Variants in PCBD2 observed in about 807,000 individuals in gnomAD.
PCBD2 encodes the protein pterin-4 alpha-carbinolamine dehydratase 2.
PCBD2 carries 12 observed loss-of-function variants against 16.4 expected under a neutral mutation model. That is an observed-to-expected ratio of 0.73 (90% CI 0.47 to 1.19). The LOEUF is 1.19. PCBD2 is among the 50% of genes most tolerant of loss of function. PCBD2 has a pLI of 0.00. For synonymous variants in PCBD2, 58 were observed against 61.8 expected (o/e 0.94, Z 0.29); for missense variants, 138 against 156.8 (o/e 0.88, Z 0.64).
intron 2 of PCBD2, among the ~76,000 whole-genome samples, chr5:134,951,040 A>AT (rs899630934): frequency 6.6e-6 from 1 of 152,100 alleles, no homozygotes; most frequent in Non-Finnish European, 1.5e-5. Context: ...CATGTTGTTC[A>AT]TTTTTTTCCC....
At chr5:134,956,683 G>A (rs1055722203) in intron 2 of PCBD2, among the ~76,000 whole-genome samples, 5 of 152,080 alleles carry the variant, frequency 3.3e-5, no homozygotes, top group African/African-American at 1.2e-4. Flanking sequence ...CTACATGTGC[G>A]AGTCTCTATT....
intron 2 of PCBD2, chr5:134,923,986 G>T: frequency 2.5e-6 from 1 of 394,602 alleles, no homozygotes; most frequent in Non-Finnish European, 4.5e-6. Flanking sequence ...GATGGGGTGG[G>T]GAGGTCGATA....
At chr5:134,940,592 C>T (rs1263062035) in intron 2 of PCBD2, among the ~76,000 whole-genome samples, 1 of 152,118 alleles carries the variant, frequency 6.6e-6, no homozygotes, top group African/African-American at 2.4e-5. Context: ...AGACTTTGAC[C>T]TTATCATGAA....
Position 134,961,758 on chromosome 5 carries a change from C to T in PCBD2, c.*1077C>T, listed in dbSNP as rs752001151. Among the ~76,000 whole-genome samples the T allele has an allele frequency of 1.1e-4, 17 of 151,702 alleles. No homozygotes were observed. The highest frequency in any genetic ancestry group is 2.1e-4 in the Non-Finnish European group (14 of 67,912). On this transcript the variant is annotated 3_prime_UTR_variant, in exon 4 of 4. Transcript: ENST00000254908. Reference sequence around the variant, plus strand: ...TGAGTTTTAACTTTAAATAACAATTCTTCTTTTGTTTTGTTTTGTTTGAGA... The same window carrying T: ...TGAGTTTTAACTTTAAATAACAATTTTTCTTTTGTTTTGTTTTGTTTGAGA...
At chr5:134,919,644 C>G (rs999143047) in intron 2 of PCBD2, among the ~76,000 whole-genome samples, 1 of 152,176 alleles carries the variant, frequency 6.6e-6, no homozygotes, top group African/African-American at 2.4e-5. Context: ...TAGGAAATTG[C>G]TGAGGCATTT....
At position 134,955,504 on chromosome 5, in the gene PCBD2, C is replaced by A. The variant is rs551272272; in HGVS notation, c.217-3536C>A. 1.3e-4 allele frequency among the ~76,000 whole-genome samples: 19 copies of A among 151,854 alleles called. No individual in the cohort carries two copies. The East Asian group carries it at 3.7e-3, about 30-fold the overall frequency. ...TGTATTTTTAGTAGAAATGGGGTTT[C>A]ACCATGTTGGCCAGGATGGTCTCGA... On this transcript the variant is annotated intron_variant, in intron 2 of 3. Transcript: ENST00000254908.
rs1344223023 is a variant in PCBD2, at chr5:134,961,222, A to G, written c.*541A>G. 2 of 152,320 alleles carry G rather than the reference A, an allele frequency of 1.3e-5. No individual in the cohort carries two copies. Among genetic ancestry groups the G allele is most frequent in the Admixed American group, 6.5e-5 (1 of 15,270 alleles). 9.4% of individuals were successfully genotyped at this position (152,320 alleles called of 1,614,324 possible). On this transcript the variant is annotated 3_prime_UTR_variant, in exon 4 of 4. Coordinates refer to ENST00000254908, the MANE Select transcript of PCBD2 (RefSeq NM_032151.5). ...TGGAACCTGAGGTATTTTTCATGCT[A>G]TCTAATCATATACCTAAGATAAACC...
At chr5:134,930,556 G>C (rs1181510212) in intron 2 of PCBD2, among the ~76,000 whole-genome samples, 1 of 152,210 alleles carries the variant, frequency 6.6e-6, no homozygotes, top group Non-Finnish European at 1.5e-5. Context: ...TCCCAGAACA[G>C]CAGCATTGAT....
intron 2 of PCBD2, chr5:134,927,816 G>A (rs1444280642): frequency 1.3e-5 from 5 of 388,234 alleles, no homozygotes; most frequent in Non-Finnish European, 1.4e-5. Context: ...GATTGTGAGG[G>A]GCAGGAGTCA....
intron 1 of PCBD2, among the ~76,000 whole-genome samples, chr5:134,907,871 C>T (rs1044189446): frequency 1.9e-4 from 29 of 151,552 alleles, no homozygotes; most frequent in Non-Finnish European, 3.5e-4. Context: ...ATCCACCCAC[C>T]TCGGCCTCCC....
At chr5:134,916,763 A>T (rs1434159223) in intron 2 of PCBD2, among the ~76,000 whole-genome samples, 1 of 152,242 alleles carries the variant, frequency 6.6e-6, no homozygotes, top group Admixed American at 6.5e-5. Flanking sequence ...GCATAGGTGG[A>T]TGAAGTAGCC....
intron 2 of PCBD2, among the ~76,000 whole-genome samples, chr5:134,948,017 AG>A (rs1050302189): frequency 1.3e-5 from 2 of 152,200 alleles, no homozygotes; most frequent in African/African-American, 4.8e-5. Context: ...GAACAGCCCC[AG>A]TGAATTGCAA....
chr5:134,915,993 G>A (rs319593), intron 2 of PCBD2, among the ~76,000 whole-genome samples: 95,576 of 151,946 alleles, frequency 0.63, 30,370 homozygotes, highest in African/African-American at 0.73. Flanking sequence ...TGTCATATTG[G>A]AAAAAAATTT....
In PCBD2 at chr5:134,910,440, G is replaced by T. The variant is rs200914488; in HGVS notation, c.190G>T (p.Glu64Ter). Residue 64 changes from glutamate (E) to a stop codon, truncating the protein, a stop_gained, in exon 2 of 4, where the codon GAA becomes TAA. Transcript: ENST00000254908. LOFTEE classifies it high-confidence loss of function. ...ELSERDAIYKEFSFHNFNQAF... is the reference protein window; with the variant it reads ...ELSERDAIYK ...AAGTGAGAGAGATGCCATCTACAAA[G>T]AATTCTCCTTCCACAATTTTAATCA... 3 of 1,614,154 alleles carry T rather than the reference G, an allele frequency of 1.9e-6. No individual in the cohort carries two copies. The highest frequency in any genetic ancestry group is 2.2e-5 in the East Asian group (1 of 44,882).
chr5:134,926,365 T>G (rs549194955), intron 2 of PCBD2: 10 of 378,872 alleles, frequency 2.6e-5, no homozygotes, highest in South Asian at 1.4e-4. Context: ...TTAATGGGGA[T>G]ATGAGTTTTT....
chr5:134,960,521 C>A, intron 3 of PCBD2, 65 bp from the exon 4 acceptor site: 2 of 1,139,978 alleles, frequency 1.8e-6, no homozygotes, highest in South Asian at 1.4e-5. Flanking sequence ...GATTTCTGAA[C>A]TGCCAAAGGA....
intron 2 of PCBD2, chr5:134,928,121 C>G (rs1240496247): frequency 1.5e-5 from 6 of 392,392 alleles, no homozygotes; most frequent in East Asian, 1.4e-4. Context: ...TGCTGCCTTG[C>G]AGGCAGCAAA....
At chr5:134,905,339 T>G in intron 1 of PCBD2, 116 bp downstream of exon 1, 6 of 945,384 alleles carry the variant, frequency 6.3e-6, no homozygotes, top group Non-Finnish European at 8.2e-6. Context: ...GGCCGAGCCT[T>G]GGAGCTCGGG....
At chr5:134,923,283 G>C (rs1363709401) in intron 2 of PCBD2, 1 of 154,852 alleles carries the variant, frequency 6.5e-6, no homozygotes, top group African/African-American at 2.4e-5. Context: ...TCTCTTTGAG[G>C]AGCATGGTTA....
Sources: gnomAD v4.1 joint callset for allele counts (sites outside exome capture counted in the v4.1 genomes callset) on GRCh38, gnomAD v4.1.1 for gene constraint, MANE v1.5 for transcripts, NCBI Gene and HGNC (gene_info 2026-07-23, HGNC 2026-07-21) for gene names.